CFAP77: variants seen among roughly 807,000 people sequenced by gnomAD.
CFAP77 encodes cilia- and flagella-associated protein 77.
CFAP77 carries 25 observed loss-of-function variants against 31.1 expected under a neutral mutation model. That is an observed-to-expected ratio of 0.80 (90% CI 0.59 to 1.12). CFAP77 has a LOEUF of 1.12. Among genes scored for constraint, CFAP77 ranks in the 50% most tolerant of loss-of-function variants. The pLI, the probability that CFAP77 is intolerant of heterozygous loss-of-function variation, is 0.00. For synonymous variants in CFAP77, 151 were observed against 159.9 expected, an observed-to-expected ratio of 0.94 and a Z score of 0.42; for missense variants, 377 against 397.3, an observed-to-expected ratio of 0.95 and a Z score of 0.44.
chr9:132,504,963 C>CA (rs1851907963), intron 3 of CFAP77, among the ~76,000 whole-genome samples: 2 of 152,346 alleles, frequency 1.3e-5, no homozygotes, highest in African/African-American at 4.8e-5. Flanking sequence ...GTTAAAACAC[C>CA]AAATCCGATT....
At chr9:132,572,344 C>G in intron 5 of CFAP77, 44 bp from the exon 6 acceptor site, 1 of 1,598,154 alleles carries the variant, frequency 6.3e-7, no homozygotes. Flanking sequence ...ATGAGCTACA[C>G]TGAAGTCTCC....
At chr9:132,516,747 C>T (rs774317617) in intron 3 of CFAP77, among the ~76,000 whole-genome samples, 46 of 152,018 alleles carry the variant, frequency 3.0e-4, no homozygotes, top group Non-Finnish European at 1.9e-4. Flanking sequence ...CGTGGGATCT[C>T]TCTGCATCAT....
At chr9:132,425,973 C>T (rs772317660) in intron 1 of CFAP77, among the ~76,000 whole-genome samples, 5 of 152,200 alleles carry the variant, frequency 3.3e-5, no homozygotes, top group Non-Finnish European at 5.9e-5. Flanking sequence ...GAAACCGGGT[C>T]ATTATACCAT....
At chr9:132,525,594 A>T (rs1852344284) in intron 3 of CFAP77, among the ~76,000 whole-genome samples, 1 of 152,176 alleles carries the variant, frequency 6.6e-6, no homozygotes, top group Non-Finnish European at 1.5e-5. Flanking sequence ...TGCCAATTTT[A>T]TATGCCCTCA....
chr9:132,486,330 G>A (rs1851558472), intron 1 of CFAP77, among the ~76,000 whole-genome samples: 5 of 151,170 alleles, frequency 3.3e-5, no homozygotes, highest in Admixed American at 1.3e-4. Flanking sequence ...CAGACCTCGT[G>A]ATCCGCCCGC....
intron 1 of CFAP77, among the ~76,000 whole-genome samples, chr9:132,412,932 A>G (rs1177210300): frequency 6.6e-6 from 1 of 151,962 alleles, no homozygotes; most frequent in Non-Finnish European, 1.5e-5. Context: ...AGCTCCCCGT[A>G]GTAGTGTGTG....
Position 132,488,545 on chromosome 9 carries a change from T to C in CFAP77, c.196-10150T>C, listed in dbSNP as rs578135479. On this transcript the variant is annotated intron_variant, in intron 1 of 5. Transcript: ENST00000393216. Reference sequence around the variant, plus strand: ...AGACTTGAGTTGCAAGGCGGGTCACTCGTTTTGAAGAAGTTGTGCCATGTA... The same window carrying C: ...AGACTTGAGTTGCAAGGCGGGTCACCCGTTTTGAAGAAGTTGTGCCATGTA... Among the ~76,000 whole-genome samples, 40 of 152,326 alleles carry C rather than the reference T, an allele frequency of 2.6e-4. No individual in the cohort carries two copies. The East Asian group carries it at 2.7e-3, about 10-fold the overall frequency.
intron 5 of CFAP77, among the ~76,000 whole-genome samples, chr9:132,557,609 C>T (rs2119093817): frequency 6.6e-6 from 1 of 152,322 alleles, no homozygotes; most frequent in Non-Finnish European, 1.5e-5. Flanking sequence ...CCGATTTTTT[C>T]CAAGTGGCTG....
chr9:132,464,292 C>T (rs1327532824), intron 1 of CFAP77, among the ~76,000 whole-genome samples: 1 of 152,106 alleles, frequency 6.6e-6, no homozygotes, highest in Non-Finnish European at 1.5e-5. Context: ...TCCCAGAACT[C>T]TCCCAGCATC....
intron 3 of CFAP77, chr9:132,513,394 G>A (rs1365146557): frequency 7.3e-6 from 11 of 1,515,078 alleles, no homozygotes; most frequent in Admixed American, 4.4e-5. Flanking sequence ...GAAATAAAAC[G>A]TGTCAAACAC....
At chr9:132,530,217 G>A (rs1255404292) in intron 3 of CFAP77, among the ~76,000 whole-genome samples, 1 of 133,608 alleles carries the variant, frequency 7.5e-6, no homozygotes, top group East Asian at 2.2e-4. Context: ...CTCCCACCTT[G>A]GACTCTCAAC....
rs397799009 is a variant in CFAP77, at chr9:132,412,590, T to TG, written c.195+2127dup. ...CTGAAGCCACCTCTGTTGTTTTTTT[T>TG]GGGTTTTTTTGTTTGTTTGTTTTGT... On this transcript the variant is annotated intron_variant, in intron 1 of 5. Coordinates refer to ENST00000393216, the MANE Select transcript of CFAP77 (RefSeq NM_001282957.2). Among the ~76,000 whole-genome samples the TG allele has an allele frequency of 5.4e-4, 82 of 151,330 alleles. 2 individuals are homozygous for TG. In the South Asian group the frequency reaches 0.014, roughly 25 times the overall value.
At chr9:132,461,832 TCA>T (rs1176340711) in intron 1 of CFAP77, among the ~76,000 whole-genome samples, 1 of 152,218 alleles carries the variant, frequency 6.6e-6, no homozygotes, top group Non-Finnish European at 1.5e-5. Context: ...TTCATCCGCC[TCA>T]CAGAGTGGCT....
intron 5 of CFAP77, among the ~76,000 whole-genome samples, chr9:132,556,887 T>A (rs1852913838): frequency 6.6e-6 from 1 of 152,050 alleles, no homozygotes; most frequent in African/African-American, 2.4e-5. Flanking sequence ...TTCCGCCTCC[T>A]CCACCGCAAA....
At position 132,511,655 on chromosome 9, in the gene CFAP77, A is replaced by G. The variant is rs192952452; in HGVS notation, c.524+12055A>G. Among the ~76,000 whole-genome samples the G allele has an allele frequency of 2.7e-4, 41 of 152,204 alleles. No individual in the cohort carries two copies. Among genetic ancestry groups the G allele is most frequent in the Admixed American group, 5.2e-4 (8 of 15,290 alleles). ...GACGGCCAACTCTTTCCCGGGCACG[A>G]CTCTTGCAGGGCACTGAGCTTCAGC... On this transcript the variant is annotated intron_variant, in intron 3 of 5. Transcript: ENST00000393216. The surrounding 1 kb of genome is among the most constrained non-coding windows in gnomAD (Gnocchi z 5.8).
chr9:132,464,324 A>G (rs1851114382), intron 1 of CFAP77, among the ~76,000 whole-genome samples: 1 of 152,040 alleles, frequency 6.6e-6, no homozygotes, highest in Non-Finnish European at 1.5e-5. Context: ...AAGCGAGGAT[A>G]CCAAGTCTTG....
rs556639282 is a variant in CFAP77, at chr9:132,462,303, G to A, written c.196-36392G>A. On this transcript the variant is annotated intron_variant, in intron 1 of 5. Transcript: ENST00000393216. ...ATTCTAAGTACGTGCAAGTGGTCCTGCTCCTCCGTTTGTTTGCTTGTTTTG... is the reference window on the plus strand; with the variant it reads ...ATTCTAAGTACGTGCAAGTGGTCCTACTCCTCCGTTTGTTTGCTTGTTTTG... Among the ~76,000 whole-genome samples, 5 of 152,298 alleles carry A rather than the reference G, an allele frequency of 3.3e-5. No homozygotes were observed. The East Asian group carries it at 9.6e-4, about 29-fold the overall frequency.
rs536385218 is a variant in CFAP77 at position 132,429,571 on chromosome 9, C to G, written c.195+19105C>G. Among the ~76,000 whole-genome samples the G allele has an allele frequency of 1.9e-3, 273 of 147,086 alleles. 7 individuals carry two copies. The highest frequency in any genetic ancestry group is 0.013 in the South Asian group (59 of 4,578). On this transcript the variant is annotated intron_variant, in intron 1 of 5. Coordinates refer to ENST00000393216, the MANE Select transcript of CFAP77 (RefSeq NM_001282957.2). ...AAAAAAAAAAAAAAAAAGGCCGGGC[C>G]CAGTGGCTCATGCCTGTAATCCCAG...
chr9:132,534,429 G>A (rs1031372779), intron 3 of CFAP77, among the ~76,000 whole-genome samples: 3 of 151,894 alleles, frequency 2.0e-5, no homozygotes, highest in African/African-American at 7.3e-5. Flanking sequence ...TGGCTAACAT[G>A]GTGAAACCCC....
Sources: gnomAD v4.1 joint callset for allele counts (sites outside exome capture counted in the v4.1 genomes callset) on GRCh38, gnomAD v4.1.1 for gene constraint, Gnocchi (gnomAD v3.1) non-coding constraint, MANE v1.5 for transcripts, NCBI Gene and HGNC (gene_info 2026-07-23, HGNC 2026-07-21) for gene names.